Variants in ATP6V1C2 observed in about 807,000 individuals in gnomAD.
The protein encoded by ATP6V1C2 is ATPase H+ transporting V1 subunit C2, also known as V-type proton ATPase subunit C 2.
In ATP6V1C2, 45 loss-of-function variants were observed where a neutral mutation model predicts 56.8. That is an observed-to-expected ratio of 0.79 (90% CI 0.62 to 1.02). The LOEUF (loss-of-function observed/expected upper bound fraction) is 1.02. ATP6V1C2 is among the 50% of genes least tolerant of loss of function. The probability of loss-of-function intolerance (pLI) is 0.00; values close to 1 mark genes in which losing one functional copy is unlikely to be tolerated. For missense variants in ATP6V1C2, 463 were observed against 519.7 expected (o/e 0.89, Z 1.06); for synonymous variants, 220 against 201.3 (o/e 1.09, Z -0.79).
intron 4 of ATP6V1C2, among the ~76,000 whole-genome samples, chr2:10,760,031 T>TTG (rs1572568354): frequency 5.3e-5 from 1 of 18,990 alleles, no homozygotes; most frequent in East Asian, 0.016. Flanking sequence ...TTGTTTTTTG[T>TTG]TTTTTTTTTT....
In ATP6V1C2 at chr2:10,728,668, CA is replaced by C. The variant is rs575002265; in HGVS notation, c.197+2100del. ...GTATGTGCCTGTAGTGCCAGCTATGCAGGAGGCTGAGGTGGAAGAATCACCT... is the reference window on the plus strand; with the variant it reads ...GTATGTGCCTGTAGTGCCAGCTATGCGGAGGCTGAGGTGGAAGAATCACCT... On this transcript the variant is annotated intron_variant, in intron 3 of 13. Coordinates refer to ENST00000272238, the MANE Select transcript of ATP6V1C2 (RefSeq NM_001039362.2). 1.2e-3 allele frequency among the ~76,000 whole-genome samples: 181 copies of C among 151,026 alleles called. 1 individual carries two copies. The highest frequency in any genetic ancestry group is 4.2e-3 in the African/African-American group (174 of 41,066).
At position 10,759,444 on chromosome 2, in the gene ATP6V1C2, C is replaced by T. The variant is rs559542201; in HGVS notation, c.284-4887C>T. Among the ~76,000 whole-genome samples the T allele has an allele frequency of 1.7e-3, 261 of 152,230 alleles. 3 individuals are homozygous for T. Among genetic ancestry groups the T allele is most frequent in the Admixed American group, 1.4e-3 (21 of 15,292 alleles). ...CACAGTCCCTCATGCTGCTGCCTGC[C>T]GGGCAGGCCTCCTTTTTGTTCTCGG... On this transcript the variant is annotated intron_variant, in intron 4 of 13. Coordinates refer to ENST00000272238, the MANE Select transcript of ATP6V1C2 (RefSeq NM_001039362.2).
At chr2:10,779,682 C>A (rs1665227472) in intron 12 of ATP6V1C2, among the ~76,000 whole-genome samples, 2 of 109,250 alleles carry the variant, frequency 1.8e-5, no homozygotes, top group Non-Finnish European at 1.8e-5. Context: ...GAAACTCCGG[C>A]TATAGAAAAA....
chr2:10,755,916 A>G (rs938331538), intron 4 of ATP6V1C2, among the ~76,000 whole-genome samples: 2 of 152,242 alleles, frequency 1.3e-5, no homozygotes, highest in African/African-American at 4.8e-5. Flanking sequence ...GTTTTGGCCC[A>G]TTAACTGTGT....
Position 10,757,012 on chromosome 2 carries a change from T to G in ATP6V1C2, c.283+2946T>G, listed in dbSNP as rs1457723942. On this transcript the variant is annotated intron_variant, in intron 4 of 13. Coordinates refer to ENST00000272238, the MANE Select transcript of ATP6V1C2 (RefSeq NM_001039362.2). Reference sequence around the variant, plus strand: ...TGAAAACATGAGGAGACTTTTTTTTTTTTTTTTTTTTTTTTTTTTTGAGAC... The same window carrying G: ...TGAAAACATGAGGAGACTTTTTTTTGTTTTTTTTTTTTTTTTTTTTGAGAC... Among the ~76,000 whole-genome samples the G allele has an allele frequency of 3.5e-5, 3 of 86,900 alleles. 1 individual carries two copies. The East Asian group carries it at 1.6e-3, about 47-fold the overall frequency. The allele number at this position is 86,900 out of a possible 152,430, so 57.0% of individuals were successfully genotyped here. A position where few individuals can be genotyped will look rare whatever the true frequency, so the allele number is the denominator to read the frequency against.
rs1665275280 is a variant in ATP6V1C2, at chr2:10,780,434, A to ATACAGG, written c.1061+1766_1061+1767insACAGGT. 6.6e-6 allele frequency among the ~76,000 whole-genome samples: 1 copy of ATACAGG among 152,104 alleles called. No homozygotes were observed. Among genetic ancestry groups the ATACAGG allele is most frequent in the African/African-American group, 2.4e-5 (1 of 41,412 alleles). Reference sequence around the variant, plus strand: ...CAGTGTGTGGTCTGCCCAGATACAGATCTGACCTTGGTTCCTGGTTCTTCT... The same window carrying ATACAGG: ...CAGTGTGTGGTCTGCCCAGATACAGATACAGGTCTGACCTTGGTTCCTGGTTCTTCT... On this transcript the variant is annotated intron_variant, in intron 12 of 13. Transcript: ENST00000272238. The surrounding 1 kb of genome is among the most constrained non-coding windows in gnomAD (Gnocchi z 4.1).
chr2:10,743,920 G>A (rs1263071350), intron 3 of ATP6V1C2, among the ~76,000 whole-genome samples: 1 of 151,576 alleles, frequency 6.6e-6, no homozygotes, highest in Non-Finnish European at 1.5e-5. Flanking sequence ...GGAGGCGGAG[G>A]TTGCAGTGAG....
intron 12 of ATP6V1C2, among the ~76,000 whole-genome samples, chr2:10,779,439 A>T (rs562748248): frequency 9.9e-6 from 1 of 100,848 alleles, no homozygotes; most frequent in Non-Finnish European, 2.2e-5. Flanking sequence ...ATATATATAT[A>T]TATGTATGTA....
rs758180824 is a variant in ATP6V1C2 at position 10,783,190 on chromosome 2, C to T, written c.1211C>T (p.Pro404Leu). 9.9e-6 allele frequency: 16 copies of T among 1,612,978 alleles called. No individual in the cohort carries two copies. The highest frequency in any genetic ancestry group is 7.7e-5 in the South Asian group (7 of 91,050). The change falls in exon 14 of 14, where the codon CCG (proline) becomes CTG (leucine). Residue 404 changes from proline (P) to leucine (L), a missense_variant. Pro to Leu is a moderately conservative substitution (Grantham distance 98). Transcript: ENST00000272238. ...CTTTTGTAGGCATCTGTGGAGATCC[C>T]GGGACTGCAACTCAATAACCAAGAC... ...TSILDASVEIPGLQLNNQDYF... is the reference protein window; with the variant it reads ...TSILDASVEILGLQLNNQDYF...
chr2:10,721,685 G>T lies in ATP6V1C2; in HGVS notation c.-73G>T, dbSNP rs1285204860. ...CGCTCCGGCCCCGCACCCGCCGCCC[G>T]TCGCCCGCAGCCCCCTACCGCGCGG... On this transcript the variant is annotated 5_prime_UTR_variant, in exon 1 of 14. Coordinates refer to ENST00000272238, the MANE Select transcript of ATP6V1C2 (RefSeq NM_001039362.2). The T allele has an allele frequency of 6.6e-6, 1 of 151,566 alleles. No homozygotes were observed. The highest frequency in any genetic ancestry group is 1.9e-4 in the East Asian group (1 of 5,138). The allele number at this position is 151,566 out of a possible 1,614,324, so 9.4% of individuals were successfully genotyped here.
intron 12 of ATP6V1C2, among the ~76,000 whole-genome samples, chr2:10,779,680 G>C (rs550646399): frequency 5.3e-5 from 7 of 131,906 alleles, no homozygotes; most frequent in Non-Finnish European, 7.9e-5. Flanking sequence ...GAGAAACTCC[G>C]GCTATAGAAA....
At chr2:10,761,391 T>A (rs990141059) in intron 4 of ATP6V1C2, among the ~76,000 whole-genome samples, 4 of 152,056 alleles carry the variant, frequency 2.6e-5, no homozygotes, top group Non-Finnish European at 5.9e-5. Context: ...TGAGTTTCAC[T>A]GTCGTTCCTG....
chr2:10,740,087 CAAAAAA>C (rs70953339), intron 3 of ATP6V1C2, among the ~76,000 whole-genome samples: 1 of 103,764 alleles, frequency 9.6e-6, no homozygotes, highest in African/African-American at 4.1e-5. Flanking sequence ...GACTCCATCT[CAAAAAA>C]AAAAAAAAAA....
At chr2:10,734,945 C>G (rs1356879306) in intron 3 of ATP6V1C2, among the ~76,000 whole-genome samples, 1 of 152,022 alleles carries the variant, frequency 6.6e-6, no homozygotes, top group African/African-American at 2.4e-5. Context: ...ATTAGCCAGG[C>G]ATGGTGGGGT....
intron 1 of ATP6V1C2, among the ~76,000 whole-genome samples, chr2:10,722,059 C>G (rs1445674314): frequency 6.6e-6 from 1 of 152,200 alleles, no homozygotes; most frequent in African/African-American, 2.4e-5. Flanking sequence ...CAGAGCTTAT[C>G]CTGCTTTCCC....
intron 3 of ATP6V1C2, among the ~76,000 whole-genome samples, chr2:10,752,073 A>C (rs1183784474): frequency 1.3e-5 from 2 of 151,688 alleles, no homozygotes; most frequent in Non-Finnish European, 2.9e-5. Context: ...CAAAAAAAAA[A>C]CAACAACAAC....
Position 10,783,964 on chromosome 2 carries a change from A to C in ATP6V1C2, c.*701A>C, listed in dbSNP as rs1665563320. Reference sequence around the variant, plus strand: ...CATACATAAGAAACAGCCTCCAAGAACATTCAAGCAGCAGTCAGAGAGAAA... The same window carrying C: ...CATACATAAGAAACAGCCTCCAAGACCATTCAAGCAGCAGTCAGAGAGAAA... On this transcript the variant is annotated 3_prime_UTR_variant, in exon 14 of 14. Transcript: ENST00000272238. 4.0e-6 allele frequency: 1 copy of C among 247,010 alleles called. No individual in the cohort carries two copies. Among genetic ancestry groups the C allele is most frequent in the Non-Finnish European group, 7.7e-6 (1 of 129,966 alleles). 15.3% of individuals were successfully genotyped at this position (247,010 alleles called of 1,614,324 possible). A position where few individuals can be genotyped will look rare whatever the true frequency, so the allele number is the denominator to read the frequency against.
intron 4 of ATP6V1C2, among the ~76,000 whole-genome samples, chr2:10,758,934 T>C (rs1312050871): frequency 1.3e-5 from 2 of 152,242 alleles, no homozygotes; most frequent in African/African-American, 4.8e-5. Context: ...CCCAAAGTGC[T>C]GGGATTACAA....
intron 2 of ATP6V1C2, among the ~76,000 whole-genome samples, chr2:10,723,837 CAAAAAAA>C (rs145669254): frequency 0.39 from 47,494 of 122,994 alleles, 8,716 homozygotes; most frequent in East Asian, 0.66. Context: ...GACTCTGTCT[CAAAAAAA>C]AAAAAAAAAA....
Sources: allele counts gnomAD v4.1 joint callset (sites outside exome capture counted in the v4.1 genomes callset), GRCh38; gene constraint gnomAD v4.1.1; non-coding constraint Gnocchi (gnomAD v3.1); transcripts MANE v1.5; gene names NCBI Gene and HGNC (gene_info 2026-07-23, HGNC 2026-07-21).